Variants in ZFAND3 observed in about 807,000 individuals in gnomAD.
ZFAND3 encodes the protein zinc finger AN1-type containing 3, also known as AN1-type zinc finger protein 3.
Under a neutral mutation model 29.6 loss-of-function variants are expected in ZFAND3, and 10 were observed. The ratio of observed to expected loss-of-function variants is 0.34; its 90% confidence interval spans 0.21 to 0.57. The LOEUF is 0.57. Ranked by LOEUF, ZFAND3 falls within the 20% of genes least tolerant of loss-of-function variation. The pLI, the probability that ZFAND3 is intolerant of heterozygous loss-of-function variation, is 0.86. For synonymous variants in ZFAND3, 128 were observed against 112.6 expected (o/e 1.14, Z -0.87); for missense variants, 230 against 304.5 (o/e 0.76, Z 1.82).
At chr6:37,858,813 G>A (rs1435031786) in intron 1 of ZFAND3, among the ~76,000 whole-genome samples, 1 of 152,206 alleles carries the variant, frequency 6.6e-6, no homozygotes, top group African/African-American at 2.4e-5. Flanking sequence ...TTTACTCCTT[G>A]AGGATTTATT....
At chr6:37,876,382 A>G (rs1403489428) in intron 1 of ZFAND3, among the ~76,000 whole-genome samples, 1 of 152,220 alleles carries the variant, frequency 6.6e-6, no homozygotes, top group Non-Finnish European at 1.5e-5. Context: ...CTTCTTACCT[A>G]CGTGTTAGTG....
At chr6:37,847,197 T>C (rs1764197679) in intron 1 of ZFAND3, among the ~76,000 whole-genome samples, 1 of 152,194 alleles carries the variant, frequency 6.6e-6, no homozygotes. Flanking sequence ...GAAAGTTACT[T>C]TTTATGTTTT....
chr6:37,985,686 A>T (rs544528449), intron 2 of ZFAND3, among the ~76,000 whole-genome samples: 101 of 152,314 alleles, frequency 6.6e-4, no homozygotes, highest in African/African-American at 2.3e-3. Flanking sequence ...CTCCAAAAAA[A>T]AATAACAATA....
chr6:38,121,499 A>G (rs1418763436), intron 5 of ZFAND3, among the ~76,000 whole-genome samples: 1 of 152,270 alleles, frequency 6.6e-6, no homozygotes, highest in Admixed American at 6.5e-5. Context: ...CTGATTTGGT[A>G]GAACAAGTTC....
chr6:38,044,226 A>G (rs1763852782), intron 2 of ZFAND3, among the ~76,000 whole-genome samples: 1 of 152,160 alleles, frequency 6.6e-6, no homozygotes, highest in Admixed American at 6.5e-5. Context: ...GACCCTTTTC[A>G]CACTTTTCCT....
intron 1 of ZFAND3, among the ~76,000 whole-genome samples, chr6:37,873,175 G>A (rs1030428744): frequency 1.3e-5 from 2 of 152,220 alleles, no homozygotes; most frequent in African/African-American, 4.8e-5. Flanking sequence ...GGAGGCTGAG[G>A]CAGGAGAATG....
At chr6:37,886,458 G>A (rs1272727456) in intron 1 of ZFAND3, among the ~76,000 whole-genome samples, 1 of 152,194 alleles carries the variant, frequency 6.6e-6, no homozygotes, top group Non-Finnish European at 1.5e-5. Context: ...TAGAACACAA[G>A]CCTTGTTGGT....
intron 2 of ZFAND3, among the ~76,000 whole-genome samples, chr6:37,991,431 C>A (rs908983017): frequency 6.6e-6 from 1 of 152,064 alleles, no homozygotes; most frequent in Non-Finnish European, 1.5e-5. Context: ...TGGCTCACTG[C>A]AACTTTTGCC....
At chr6:38,112,443 G>A (rs1278477281) in intron 4 of ZFAND3, among the ~76,000 whole-genome samples, 1 of 149,640 alleles carries the variant, frequency 6.7e-6, no homozygotes, top group Non-Finnish European at 1.5e-5. Flanking sequence ...GCTTCTGACA[G>A]TTAAAGCTGC....
intron 2 of ZFAND3, among the ~76,000 whole-genome samples, 177 bp from the exon 3 acceptor site, chr6:38,061,416 C>A (rs899975436): frequency 1.3e-5 from 2 of 152,158 alleles, no homozygotes; most frequent in South Asian, 2.1e-4. Context: ...AACTCTAGTA[C>A]CTTCCACTAA....
intron 2 of ZFAND3, among the ~76,000 whole-genome samples, chr6:37,973,674 T>C (rs1280797508): frequency 1.3e-5 from 2 of 152,248 alleles, no homozygotes; most frequent in African/African-American, 2.4e-5. Context: ...GTACTTAAGC[T>C]AAGCTAGTGT....
At chr6:37,921,548 T>A (rs1187034793) in intron 1 of ZFAND3, among the ~76,000 whole-genome samples, 1 of 152,010 alleles carries the variant, frequency 6.6e-6, no homozygotes, top group Non-Finnish European at 1.5e-5. Context: ...GGAGAGATAG[T>A]AGTCTTGTGT....
chr6:37,919,488 C>G (rs1237007609), intron 1 of ZFAND3, among the ~76,000 whole-genome samples: 1 of 151,990 alleles, frequency 6.6e-6, no homozygotes, highest in Non-Finnish European at 1.5e-5. Flanking sequence ...AGTTATTGAC[C>G]ATGGTTTTTC....
At chr6:37,893,118 A>G (rs1256123340) in intron 1 of ZFAND3, among the ~76,000 whole-genome samples, 2 of 152,126 alleles carry the variant, frequency 1.3e-5, no homozygotes, top group Admixed American at 6.6e-5. Context: ...TTAATACCCA[A>G]ATACCAAGAC....
rs888381194 is a variant in ZFAND3, at chr6:37,925,201, A to G, written c.72-4758A>G. 4.6e-5 allele frequency among the ~76,000 whole-genome samples: 7 copies of G among 152,334 alleles called. No homozygotes were observed. In the East Asian group the frequency reaches 7.7e-4, roughly 17 times the overall value. Reference sequence around the variant, plus strand: ...GTTTTAAAAGATGACCATAGCTGCTATGTGGAAAAATCATTGTATAGGGTC... The same window carrying G: ...GTTTTAAAAGATGACCATAGCTGCTGTGTGGAAAAATCATTGTATAGGGTC... On this transcript the variant is annotated intron_variant, in intron 1 of 5. Coordinates refer to ENST00000287218, the MANE Select transcript of ZFAND3 (RefSeq NM_021943.3).
intron 4 of ZFAND3, among the ~76,000 whole-genome samples, chr6:38,099,799 CT>C (rs1765057866): frequency 6.6e-6 from 1 of 152,246 alleles, no homozygotes; most frequent in African/African-American, 2.4e-5. Context: ...GGTGCTGCTG[CT>C]TTTTTTCTAG....
At chr6:38,120,946 A>G (rs1458554967) in intron 5 of ZFAND3, among the ~76,000 whole-genome samples, 13 of 152,172 alleles carry the variant, frequency 8.5e-5, no homozygotes, top group Non-Finnish European at 1.5e-4. Context: ...AACCAAATTC[A>G]TCAAGCATTT....
chr6:38,071,962 C>T (rs997706752), intron 3 of ZFAND3, among the ~76,000 whole-genome samples: 2 of 152,050 alleles, frequency 1.3e-5, no homozygotes, highest in Non-Finnish European at 2.9e-5. Context: ...TTGCCTGTAC[C>T]TGATTTTTGA....
intron 2 of ZFAND3, among the ~76,000 whole-genome samples, chr6:38,000,065 T>C (rs553749323): frequency 6.6e-6 from 1 of 152,272 alleles, no homozygotes; most frequent in African/African-American, 2.4e-5. Context: ...AAAATACTTC[T>C]GGGTGGCACA....
Sources: allele counts gnomAD v4.1 joint callset (sites outside exome capture counted in the v4.1 genomes callset), GRCh38; gene constraint gnomAD v4.1.1; transcripts MANE v1.5; gene names NCBI Gene and HGNC (gene_info 2026-07-23, HGNC 2026-07-21).